Variants in UNC13C observed in about 807,000 individuals in gnomAD.
The protein encoded by UNC13C is protein unc-13 homolog C.
Under a neutral mutation model 245.4 loss-of-function variants are expected in UNC13C, and 174 were observed. That is an observed-to-expected ratio of 0.71 (90% CI 0.63 to 0.80). UNC13C has a LOEUF of 0.80. Ranked by LOEUF, UNC13C falls within the 30% of genes least tolerant of loss-of-function variation. The probability of loss-of-function intolerance (pLI) is 0.00; values close to 1 mark genes in which losing one functional copy is unlikely to be tolerated. For missense variants in UNC13C, 2,829 were observed against 2,602.9 expected (o/e 1.09, Z -1.89); for synonymous variants, 992 against 895.1 (o/e 1.11, Z -1.93).
intron 19 of UNC13C, among the ~76,000 whole-genome samples, chr15:54,426,310 G>T (rs905903404): frequency 6.8e-6 from 1 of 148,062 alleles, no homozygotes; most frequent in Non-Finnish European, 1.5e-5. Flanking sequence ...TGAAGGTTCT[G>T]CTTCCATATT....
At chr15:54,000,338 G>C (rs764995104) in intron 1 of UNC13C, among the ~76,000 whole-genome samples, 2 of 152,068 alleles carry the variant, frequency 1.3e-5, no homozygotes, top group Non-Finnish European at 2.9e-5. Context: ...ATCTACTGAA[G>C]ATAATGACAC....
At chr15:53,963,760 G>T in the UNC13C span, among the ~76,000 whole-genome samples, 1 of 152,184 alleles carries the variant, frequency 6.6e-6, no homozygotes, top group Non-Finnish European at 1.5e-5. Context: ...TTAAGAAGAG[G>T]TGAAACCTAC....
chr15:53,922,246 C>T, the UNC13C span, among the ~76,000 whole-genome samples: 2 of 152,138 alleles, frequency 1.3e-5, no homozygotes, highest in South Asian at 2.1e-4. Flanking sequence ...AACACAGTCT[C>T]CTCATTCTAA....
At chr15:54,137,936 T>G (rs1212189123) in intron 2 of UNC13C, among the ~76,000 whole-genome samples, 1 of 152,186 alleles carries the variant, frequency 6.6e-6, no homozygotes, top group East Asian at 1.9e-4. Context: ...TTGAGATCTT[T>G]TTTTAAATGT....
chr15:53,874,503 T>C, the UNC13C span, among the ~76,000 whole-genome samples: 1 of 152,326 alleles, frequency 6.6e-6, no homozygotes, highest in Non-Finnish European at 1.5e-5. Flanking sequence ...CTTATGTTAC[T>C]GAAATTGGGC....
chr15:53,851,275 G>T, the UNC13C span, among the ~76,000 whole-genome samples: 5 of 152,134 alleles, frequency 3.3e-5, no homozygotes, highest in South Asian at 4.1e-4. Context: ...TTGTTTTCCT[G>T]CAGAGTACTG....
At chr15:54,122,331 G>T (rs1429597616) in intron 2 of UNC13C, among the ~76,000 whole-genome samples, 1 of 151,564 alleles carries the variant, frequency 6.6e-6, no homozygotes, top group Non-Finnish European at 1.5e-5. Context: ...GCTTTGTTTT[G>T]GTTCTTTAGT....
At chr15:54,530,798 G>A (rs1393704489) in intron 25 of UNC13C, among the ~76,000 whole-genome samples, 1 of 152,132 alleles carries the variant, frequency 6.6e-6, no homozygotes, top group African/African-American at 2.4e-5. Flanking sequence ...CTGGTGCAAT[G>A]AAACAGAAGG....
At chr15:53,896,342 T>C in the UNC13C span, among the ~76,000 whole-genome samples, 4 of 152,162 alleles carry the variant, frequency 2.6e-5, no homozygotes, top group Non-Finnish European at 5.9e-5. Flanking sequence ...CAGTCTTTCA[T>C]TGTAGTGTTA....
intron 1 of UNC13C, among the ~76,000 whole-genome samples, chr15:53,999,958 G>T (rs1894810549): frequency 6.6e-6 from 1 of 152,026 alleles, no homozygotes. Flanking sequence ...TCAAGGACCA[G>T]TATGTGTCTT....
At chr15:54,246,169 T>C (rs1243502132) in intron 7 of UNC13C, among the ~76,000 whole-genome samples, 2 of 151,640 alleles carry the variant, frequency 1.3e-5, no homozygotes, top group African/African-American at 4.9e-5. Flanking sequence ...GTCCTAATTG[T>C]TCCAAAAGTG....
At chr15:54,141,547 G>C (rs867581721) in intron 2 of UNC13C, among the ~76,000 whole-genome samples, 5 of 151,934 alleles carry the variant, frequency 3.3e-5, no homozygotes, top group Middle Eastern at 3.2e-3. Context: ...TGAACAACTA[G>C]AAGGTTTTGA....
chr15:53,986,335 G>T (rs1894140597), intron 1 of UNC13C, among the ~76,000 whole-genome samples: 2 of 152,024 alleles, frequency 1.3e-5, no homozygotes, highest in Admixed American at 6.6e-5. Context: ...GCCTAGCTTT[G>T]TAAGTTTTCC....
chr15:54,619,677 G>C (rs1900671696), intron 30 of UNC13C, among the ~76,000 whole-genome samples: 1 of 152,224 alleles, frequency 6.6e-6, no homozygotes. Flanking sequence ...ATTTGAAATG[G>C]TCAGAGGACA....
chr15:54,571,759 G>T (rs1385658732), intron 30 of UNC13C, among the ~76,000 whole-genome samples: 12 of 152,334 alleles, frequency 7.9e-5, no homozygotes, highest in Admixed American at 7.2e-4. Flanking sequence ...ACCAGCTGGA[G>T]TGCCAGAGGG....
intron 4 of UNC13C, among the ~76,000 whole-genome samples, chr15:54,171,018 A>C (rs76959063): frequency 0.022 from 3,289 of 152,266 alleles, 133 homozygotes; most frequent in African/African-American, 0.075. Context: ...CATTATATGC[A>C]GTAAAACAAG....
At chr15:54,184,941 C>G (rs920567894) in intron 4 of UNC13C, among the ~76,000 whole-genome samples, 1 of 152,068 alleles carries the variant, frequency 6.6e-6, no homozygotes, top group African/African-American at 2.4e-5. Context: ...TGTTTCCTGA[C>G]TTTTTAATGA....
At chr15:54,346,887 G>A (rs1433033872) in intron 17 of UNC13C, among the ~76,000 whole-genome samples, 2 of 152,170 alleles carry the variant, frequency 1.3e-5, no homozygotes, top group Non-Finnish European at 2.9e-5. Flanking sequence ...AGGCACTGGT[G>A]TAGGCTCTTA....
chr15:53,879,971 G>GTA, the UNC13C span, among the ~76,000 whole-genome samples: 34 of 151,144 alleles, frequency 2.2e-4, no homozygotes, highest in East Asian at 9.8e-4. Context: ...GTGTGTGTGT[G>GTA]TATATACATA....
Sources: allele counts gnomAD v4.1 joint callset (sites outside exome capture counted in the v4.1 genomes callset), GRCh38; gene constraint gnomAD v4.1.1; transcripts MANE v1.5; gene names NCBI Gene and HGNC (gene_info 2026-07-23, HGNC 2026-07-21).